Variants in TVP23A observed in about 807,000 individuals in gnomAD.
The protein encoded by TVP23A is trans-golgi network vesicle protein 23 homolog A, also known as Golgi apparatus membrane protein TVP23 homolog A.
A neutral mutation model predicts 31.7 loss-of-function variants in TVP23A; 21 were observed. The ratio of observed to expected loss-of-function variants is 0.66; its 90% CI spans 0.47 to 0.95. TVP23A has a LOEUF of 0.95. Ranked by LOEUF, TVP23A falls within the 40% of genes least tolerant of loss-of-function variation. The probability of loss-of-function intolerance (pLI) is 0.00; values close to 1 mark genes in which losing one functional copy is unlikely to be tolerated. For missense variants in TVP23A, 279 were observed against 255.6 expected (o/e 1.09, Z -0.62); for synonymous variants, 104 against 96.0 (o/e 1.08, Z -0.49).
intron 2 of TVP23A, 143 bp from the exon 3 acceptor site, chr16:10,775,239 G>C: frequency 6.9e-7 from 1 of 1,455,596 alleles, no homozygotes; most frequent in Non-Finnish European, 9.1e-7. Context: ...CAGAAACTCA[G>C]GCTGTAGCCC....
rs1415295887 is a variant in TVP23A, at chr16:10,770,340, G to C, written c.583-9C>G. Reference sequence around the variant, plus strand: ...AAGTCACCTGGGCAGGCCTGCAAGGGGAAAAGTCAACCATGGTTTTCTGTC... The same window carrying C: ...AAGTCACCTGGGCAGGCCTGCAAGGCGAAAAGTCAACCATGGTTTTCTGTC... On this transcript the variant is annotated splice_polypyrimidine_tract_variant and intron_variant, in intron 6 of 7. Transcript: ENST00000299866. The C allele has an allele frequency of 3.2e-6, 5 of 1,550,778 alleles. No individual in the cohort carries two copies. The highest frequency in any genetic ancestry group is 4.4e-6 in the Non-Finnish European group (5 of 1,146,848).
downstream of TVP23A, among the ~76,000 whole-genome samples, chr16:10,765,755 G>C (rs17684734): frequency 0.27 from 40,604 of 152,136 alleles, 5,651 homozygotes; most frequent in South Asian, 0.35. This position sits in a 1 kb window ranked among gnomAD's most constrained non-coding sequence, Gnocchi z 4.0. Flanking sequence ...GTTCCAGGTG[G>C]TTCACAAGAG....
Position 10,767,772 on chromosome 16 carries a change from C to T in TVP23A, c.*1330G>A, listed in dbSNP as rs140114185. 6 of 606,856 alleles carry T rather than the reference C, an allele frequency of 9.9e-6. No homozygotes were observed. The East Asian group carries it at 1.7e-4, about 17-fold the overall frequency. 37.6% of individuals were successfully genotyped at this position (606,856 alleles called of 1,614,324 possible). ...GCCACGCTGAAATGCTGGCTGGGGA[C>T]CCTGCTGGAAGGAAGGTCCCTGAGA... On this transcript the variant is annotated 3_prime_UTR_variant, in exon 8 of 8. Transcript: ENST00000299866. The surrounding 1 kb of genome is among the most constrained non-coding windows in gnomAD (Gnocchi z 4.6).
chr16:10,809,243 A>G (rs2034083990), intron 2 of TVP23A, among the ~76,000 whole-genome samples: 1 of 152,210 alleles, frequency 6.6e-6, no homozygotes, highest in African/African-American at 2.4e-5. Flanking sequence ...GGGTACCCAG[A>G]AGGTGTCATG....
downstream of TVP23A, among the ~76,000 whole-genome samples, chr16:10,764,201 C>T (rs912159797): frequency 3.9e-5 from 6 of 152,178 alleles, no homozygotes; most frequent in East Asian, 1.9e-4. Context: ...CCCGAAGGAG[C>T]GTCTCAGCCC....
rs534891367 is a variant in TVP23A, at chr16:10,767,273, C to T, written c.*1829G>A. 2.5e-5 allele frequency: 10 copies of T among 398,980 alleles called. No individual in the cohort carries two copies. The highest frequency in any genetic ancestry group is 4.4e-5 in the Non-Finnish European group (10 of 226,464). The allele number at this position is 398,980 out of a possible 1,614,324, so 24.7% of individuals were successfully genotyped here. On this transcript the variant is annotated 3_prime_UTR_variant, in exon 8 of 8. Coordinates refer to ENST00000299866, the MANE Select transcript of TVP23A (RefSeq NM_001079512.4). This position sits in a 1 kb window ranked among gnomAD's most constrained non-coding sequence, Gnocchi z 4.6. Reference sequence around the variant, plus strand: ...AGCCCCTTGTGTCCTGTCCACCTGGCTCTGGGATAACATGGTCCTAGAGAA... The same window carrying T: ...AGCCCCTTGTGTCCTGTCCACCTGGTTCTGGGATAACATGGTCCTAGAGAA...
At chr16:10,783,921 G>A (rs561056779) in intron 2 of TVP23A, among the ~76,000 whole-genome samples, 13 of 152,192 alleles carry the variant, frequency 8.5e-5, no homozygotes, top group Admixed American at 1.3e-4. Context: ...GTGGTTGCCA[G>A]GAGTTCCAGA....
chr16:10,806,652 C>A (rs1567313727), intron 2 of TVP23A, among the ~76,000 whole-genome samples: 1 of 152,126 alleles, frequency 6.6e-6, no homozygotes, highest in Non-Finnish European at 1.5e-5. Flanking sequence ...CAGGCGCCTG[C>A]CATCACGTCC....
intron 2 of TVP23A, among the ~76,000 whole-genome samples, chr16:10,814,033 C>A: frequency 2.2e-5 from 3 of 137,104 alleles, no homozygotes; most frequent in Non-Finnish European, 4.7e-5. Flanking sequence ...AAAAAAAATT[C>A]CCTTTCTACA....
intron 3 of TVP23A, 79 bp downstream of exon 3, chr16:10,774,873 A>G: frequency 7.4e-7 from 1 of 1,350,028 alleles, no homozygotes; most frequent in Non-Finnish European, 1.0e-6. Flanking sequence ...AGTCTAAACC[A>G]AAGTACCTCT....
rs530078706 is a variant in TVP23A at position 10,818,148 on chromosome 16, T to C, written c.44A>G (p.Asp15Gly). 70 of 1,609,278 alleles carry C rather than the reference T, an allele frequency of 4.3e-5. No homozygotes were observed. The East Asian group carries it at 1.1e-3, about 26-fold the overall frequency. The change falls in exon 2 of 8, where the codon GAC becomes GGC. Residue 15 changes from aspartate to glycine, a missense_variant. Asp to Gly is a moderately conservative substitution (Grantham distance 94). Transcript: ENST00000299866. This position sits in a 1 kb window ranked among gnomAD's most constrained non-coding sequence, Gnocchi z 4.7. ...GGCCAGCTCCTCCTCGTTTCCAAAG[T>C]CCAGGGACACATCCTCGGTATCGTC... ...LVDDTEDVSL[D>G]FGNEEELAFR...
At chr16:10,770,356 G>C in intron 6 of TVP23A, 25 bp from the exon 7 acceptor site, 3 of 1,550,168 alleles carry the variant, frequency 1.9e-6, no homozygotes, top group Non-Finnish European at 2.6e-6. Context: ...GTCAACCATG[G>C]TTTTCTGTCC....
At chr16:10,817,181 G>T (rs1160679504) in intron 2 of TVP23A, among the ~76,000 whole-genome samples, 1 of 152,224 alleles carries the variant, frequency 6.6e-6, no homozygotes, top group South Asian at 2.1e-4. Context: ...CTCCAGAACT[G>T]CAGGAGAATA....
chr16:10,775,206 T>C, intron 2 of TVP23A, 110 bp from the exon 3 acceptor site: 2 of 1,482,412 alleles, frequency 1.3e-6, no homozygotes, highest in Non-Finnish European at 1.8e-6. Context: ...CTCAATGGAA[T>C]GTTCTCCCCG....
At chr16:10,797,132 T>G (rs567485844) in intron 2 of TVP23A, among the ~76,000 whole-genome samples, 12 of 151,118 alleles carry the variant, frequency 7.9e-5, no homozygotes, top group African/African-American at 2.9e-4. Context: ...GAGGCTATAA[T>G]GAGCCCTGAT....
intron 2 of TVP23A, among the ~76,000 whole-genome samples, chr16:10,810,817 T>TC (rs2034163073): frequency 6.6e-6 from 1 of 152,106 alleles, no homozygotes; most frequent in African/African-American, 2.4e-5. Context: ...CACTGTAGGC[T>TC]CCCCTGGTTC....
At chr16:10,787,895 G>A (rs970365800) in intron 2 of TVP23A, among the ~76,000 whole-genome samples, 1 of 152,124 alleles carries the variant, frequency 6.6e-6, no homozygotes, top group Non-Finnish European at 1.5e-5. Flanking sequence ...AAATGAGACA[G>A]TAACATTTGC....
chr16:10,762,959 A>T (rs889548455), downstream of TVP23A, among the ~76,000 whole-genome samples: 4 of 152,024 alleles, frequency 2.6e-5, no homozygotes, highest in Non-Finnish European at 4.4e-5. Context: ...CAGGAGGCTC[A>T]GGAGTGGCTG....
intron 2 of TVP23A, among the ~76,000 whole-genome samples, chr16:10,782,287 A>G (rs2032474374): frequency 6.6e-6 from 1 of 152,114 alleles, no homozygotes; most frequent in Non-Finnish European, 1.5e-5. Context: ...ACACAGCACA[A>G]GCACTATCCC....
Sources: allele counts gnomAD v4.1 joint callset (sites outside exome capture counted in the v4.1 genomes callset), GRCh38; gene constraint gnomAD v4.1.1; non-coding constraint Gnocchi (gnomAD v3.1); transcripts MANE v1.5; gene names NCBI Gene and HGNC (gene_info 2026-07-23, HGNC 2026-07-21).